The following CC2D2A variants were observed in gnomAD, a reference collection of about 807,000 sequenced individuals.
CC2D2A encodes the protein coiled-coil and C2 domain-containing protein 2A.
A neutral mutation model predicts 212.9 loss-of-function variants in CC2D2A; 155 were observed. That is an observed-to-expected ratio of 0.73 (90% CI 0.64 to 0.83). CC2D2A has a LOEUF of 0.83. CC2D2A is among the 40% of genes least tolerant of loss of function. The pLI is 0.00. For synonymous variants in CC2D2A, 667 were observed against 686.5 expected, an observed-to-expected ratio of 0.97 and a Z score of 0.44; for missense variants, 1,856 against 1,956.2, an observed-to-expected ratio of 0.95 and a Z score of 0.97.
At chr4:15,471,008 C>A (rs1560383534) in intron 1 of CC2D2A, among the ~76,000 whole-genome samples, 1 of 152,072 alleles carries the variant, frequency 6.6e-6, no homozygotes, top group East Asian at 1.9e-4. Context: ...GGTCATATAT[C>A]ACGTAACACA....
At position 15,586,171 on chromosome 4, in the gene CC2D2A, A is replaced by G. The variant is rs1209236003; in HGVS notation, c.3990A>G (p.Arg1330=). The change falls in exon 31 of 37, where the codon CGA becomes CGG. Residue 1330 remains arginine (R), a synonymous_variant. Transcript: ENST00000424120. The part of the protein sequence containing the change: ...NLQATAELVA[R]YVSLIPFLPD... ...TGATTATACAGGAACTGGTGGCTCG[A>G]TATGTGTCCTTGATTCCCTTCTTGC... is the stretch of plus-strand genomic sequence containing the variant. 1.9e-6 allele frequency: 3 copies of G among 1,610,518 alleles called. No homozygotes were observed. The highest frequency in any genetic ancestry group is 1.1e-5 in the South Asian group (1 of 90,762).
chr4:15,598,923 G>A (rs1721448302), intron 35 of CC2D2A, among the ~76,000 whole-genome samples: 1 of 152,138 alleles, frequency 6.6e-6, no homozygotes, highest in Admixed American at 6.5e-5. Flanking sequence ...ACTTTGGGAG[G>A]CCAAGGCAGG....
intron 17 of CC2D2A, among the ~76,000 whole-genome samples, chr4:15,542,480 G>A (rs1718505033): frequency 6.6e-6 from 1 of 152,118 alleles, no homozygotes; most frequent in Admixed American, 6.6e-5. Context: ...AATTGATGGT[G>A]CTATTTTTGT....
intron 4 of CC2D2A, among the ~76,000 whole-genome samples, chr4:15,501,721 T>G (rs1715963924): frequency 1.3e-5 from 2 of 152,124 alleles, no homozygotes; most frequent in African/African-American, 4.8e-5. Flanking sequence ...GTAGAGCCAT[T>G]TATCACGCAG....
intron 8 of CC2D2A, among the ~76,000 whole-genome samples, chr4:15,514,350 G>A (rs1716737844): frequency 6.6e-6 from 1 of 152,186 alleles, no homozygotes; most frequent in African/African-American, 2.4e-5. Flanking sequence ...CAGGTGGAAG[G>A]TTAAACTGCT....
intron 11 of CC2D2A, among the ~76,000 whole-genome samples, chr4:15,517,477 G>C (rs1360904605): frequency 1.3e-5 from 2 of 152,054 alleles, no homozygotes; most frequent in African/African-American, 2.4e-5. Context: ...CCTAAGTCTG[G>C]TAACAAGCTG....
chr4:15,505,260 AC>A (rs1716192646), intron 6 of CC2D2A, among the ~76,000 whole-genome samples: 1 of 152,186 alleles, frequency 6.6e-6, no homozygotes, highest in Non-Finnish European at 1.5e-5. Context: ...ATTTCCTTTC[AC>A]TTTATGCTCA....
At position 15,550,925 on chromosome 4, in the gene CC2D2A, A is replaced by C. The variant is rs1325342502; in HGVS notation, c.2283A>C (p.Glu761Asp). ...TCACTGGAAGGGCTCCTACTGAAGA[A>C]GTGGAGTTTAGCAGTAATCAGCATG... is the stretch of plus-strand genomic sequence containing the variant. Reference protein sequence around the residue: ...TVVTGRAPTEEVEFSSNQHVT... With the variant: ...TVVTGRAPTEDVEFSSNQHVT... Residue 761 changes from glutamate to aspartate, a missense_variant, in exon 18 of 37, where the codon GAA (glutamate) becomes GAC (aspartate). By Grantham distance (45) the Glu-to-Asp change is conservative. Transcript: ENST00000424120. 6 of 1,608,934 alleles carry C rather than the reference A, an allele frequency of 3.7e-6. No individual in the cohort carries two copies. In the African/African-American group the frequency reaches 5.3e-5, roughly 14 times the overall value.
At chr4:15,470,679 CTCTCTCTCTCTATA>C (rs1163646958) in intron 1 of CC2D2A, among the ~76,000 whole-genome samples, 10 of 70,356 alleles carry the variant, frequency 1.4e-4, no homozygotes, top group African/African-American at 4.7e-4. Flanking sequence ...CTCTCTCTCT[CTCTCTCTCTCTATA>C]TATATATATA....
chr4:15,581,293 T>G (rs1430977363), intron 30 of CC2D2A, among the ~76,000 whole-genome samples: 1 of 152,250 alleles, frequency 6.6e-6, no homozygotes, highest in Non-Finnish European at 1.5e-5. Flanking sequence ...ATAGTAGATG[T>G]ACAGAAAATT....
At chr4:15,563,641 G>C (rs1391263040) in intron 24 of CC2D2A, 119 bp downstream of exon 24, 1 of 1,134,520 alleles carries the variant, frequency 8.8e-7, no homozygotes, top group Non-Finnish European at 1.3e-6. Context: ...GGGGACTGAG[G>C]GTTCTTGCAA....
chr4:15,599,451 C>G, intron 35 of CC2D2A, 78 bp from the exon 36 acceptor site: 2 of 863,034 alleles, frequency 2.3e-6, no homozygotes. Context: ...TCATCTGAAT[C>G]CCCACTACAT....
intron 4 of CC2D2A, among the ~76,000 whole-genome samples, chr4:15,484,694 T>G (rs2108979246): frequency 6.6e-6 from 1 of 152,244 alleles, no homozygotes. Flanking sequence ...GTTTTTGACT[T>G]GAGTCAAAAA....
At chr4:15,526,753 G>A (rs1175560972) in intron 11 of CC2D2A, among the ~76,000 whole-genome samples, 3 of 152,160 alleles carry the variant, frequency 2.0e-5, no homozygotes, top group African/African-American at 7.2e-5. Context: ...ACCCACAGTA[G>A]CTGTAGTAAT....
intron 26 of CC2D2A, among the ~76,000 whole-genome samples, chr4:15,568,646 T>C (rs1369851536): frequency 1.3e-5 from 2 of 152,174 alleles, no homozygotes; most frequent in Admixed American, 6.5e-5. Flanking sequence ...CTACCACTAT[T>C]ATGCACAGAA....
At chr4:15,542,000 T>G (rs1282271448) in intron 17 of CC2D2A, among the ~76,000 whole-genome samples, 1 of 151,838 alleles carries the variant, frequency 6.6e-6, no homozygotes, top group Non-Finnish European at 1.5e-5. Flanking sequence ...GCACTTAGAG[T>G]TCCTTGGTTT....
At position 15,601,328 on chromosome 4, in the gene CC2D2A, C is replaced by G. The variant is rs374301736; in HGVS notation, c.4766C>G (p.Pro1589Arg). 131 of 1,610,312 alleles carry G rather than the reference C, an allele frequency of 8.1e-5. No individual in the cohort carries two copies. The highest frequency in any genetic ancestry group is 1.1e-4 in the Non-Finnish European group (129 of 1,177,888). The change falls in exon 37 of 37, where the codon CCT (proline) becomes CGT (arginine). Residue 1589 changes from proline (P) to arginine (R), a missense_variant. Physicochemically the swap from Pro to Arg is moderately radical, Grantham distance 103 (BLOSUM62 -2). This residue lies in a region of CC2D2A where 285 missense variants were observed against 278.4 expected (regional missense o/e 1.02). Transcript: ENST00000424120. Reference protein sequence around the residue: ...YSTGVHNIDVPNVEFALAVYI... With the variant: ...YSTGVHNIDVRNVEFALAVYI... ...ACTGGAGTACATAATATTGATGTTC[C>G]TAATGTTGAATTTGCTTTAGCTGTA...
chr4:15,525,183 T>C (rs1181599723), intron 11 of CC2D2A, among the ~76,000 whole-genome samples: 1 of 152,260 alleles, frequency 6.6e-6, no homozygotes, highest in African/African-American at 2.4e-5. Context: ...GTGACCTAAG[T>C]TGCATTACAA....
chr4:15,531,981 C>T (rs952152916), intron 13 of CC2D2A, among the ~76,000 whole-genome samples: 4 of 152,058 alleles, frequency 2.6e-5, no homozygotes, highest in Middle Eastern at 3.2e-3. Context: ...GCACATTATG[C>T]GGATTAGCTC....
Sources: allele counts gnomAD v4.1 joint callset (sites outside exome capture counted in the v4.1 genomes callset), GRCh38; gene constraint gnomAD v4.1.1; regional missense constraint gnomAD v4.1.1; transcripts MANE v1.5; gene names NCBI Gene and HGNC (gene_info 2026-07-23, HGNC 2026-07-21).